The following SEMA5A variants were observed in gnomAD, a reference collection of about 807,000 sequenced individuals.
SEMA5A encodes semaphorin 5A, also known as semaphorin-5A.
SEMA5A carries 55 observed loss-of-function variants against 135.5 expected under a neutral mutation model. That is an observed-to-expected ratio of 0.41 (90% CI 0.33 to 0.51). The LOEUF is 0.51. SEMA5A is among the 20% of genes least tolerant of loss of function. The probability of loss-of-function intolerance (pLI) is 0.37; values close to 1 mark genes in which losing one functional copy is unlikely to be tolerated. For missense variants in SEMA5A, 1,290 were observed against 1,419.9 expected (o/e 0.91, Z 1.47); for synonymous variants, 580 against 546.5 (o/e 1.06, Z -0.85).
At chr5:9,499,315 A>G (rs571292165) in intron 1 of SEMA5A, among the ~76,000 whole-genome samples, 4 of 152,310 alleles carry the variant, frequency 2.6e-5, no homozygotes, top group African/African-American at 9.6e-5. Context: ...ACCTGACTCA[A>G]TTTCCCCACA....
rs1742893447 is a variant in SEMA5A at position 9,155,296 on chromosome 5, C to T, written c.1274-601G>A. 2.6e-5 allele frequency among the ~76,000 whole-genome samples: 4 copies of T among 152,072 alleles called. No homozygotes were observed. The South Asian group carries it at 6.2e-4, about 24-fold the overall frequency. Reference sequence around the variant, plus strand: ...ACTCCTCCAAACTTTCTTTCTTGTGCTTCTGAGTATTAATTTCTGGCCTGA... The same window carrying T: ...ACTCCTCCAAACTTTCTTTCTTGTGTTTCTGAGTATTAATTTCTGGCCTGA... On this transcript the variant is annotated intron_variant, in intron 11 of 22. Transcript: ENST00000382496.
In SEMA5A at chr5:9,054,114, C is replaced by G; in HGVS notation, c.2662G>C (p.Ala888Pro). Reference protein sequence around the residue: ...DICLGLHTEEALCNTQPCPES... With the variant: ...DICLGLHTEEPLCNTQPCPES... Reference sequence around the variant, plus strand: ...GGGCAGGGCTGCGTGTTGCAGAGTGCCTCTTCTGTGTGCAGCCCCAGGCAG... The same window carrying G: ...GGGCAGGGCTGCGTGTTGCAGAGTGGCTCTTCTGTGTGCAGCCCCAGGCAG... The change falls in exon 19 of 23, where the codon GCA becomes CCA. Residue 888 changes from alanine (A) to proline (P), a missense_variant. This residue lies in a region of SEMA5A where 1,029 missense variants were observed against 1,086.6 expected (regional missense o/e 0.95). Transcript: ENST00000382496. The G allele has an allele frequency of 6.2e-7, 1 of 1,612,966 alleles. No homozygotes were observed. Among genetic ancestry groups the G allele is most frequent in the Non-Finnish European group, 8.5e-7 (1 of 1,179,582 alleles).
At chr5:9,464,430 C>T (rs1272495108) in intron 1 of SEMA5A, among the ~76,000 whole-genome samples, 1 of 152,190 alleles carries the variant, frequency 6.6e-6, no homozygotes, top group Non-Finnish European at 1.5e-5. Context: ...GTTAATAGTG[C>T]TTGCCTCTGG....
chr5:9,395,806 T>C (rs1345020785), intron 2 of SEMA5A, among the ~76,000 whole-genome samples: 1 of 152,226 alleles, frequency 6.6e-6, no homozygotes, highest in Non-Finnish European at 1.5e-5. Context: ...ACATCATATG[T>C]AGGAGGAAAA....
chr5:9,447,212 A>C (rs184820819), intron 1 of SEMA5A, among the ~76,000 whole-genome samples: 38 of 152,342 alleles, frequency 2.5e-4, no homozygotes, highest in Non-Finnish European at 5.1e-4. Context: ...GATTAGTATA[A>C]ACCCGTGCAA....
At position 9,337,742 on chromosome 5, in the gene SEMA5A, T is replaced by G. The variant is rs538311891; in HGVS notation, c.195A>C (p.Pro65=). 1.2e-6 allele frequency: 2 copies of G among 1,611,842 alleles called. No homozygotes were observed. Among genetic ancestry groups the G allele is most frequent in the Admixed American group, 1.7e-5 (1 of 59,962 alleles). Residue 65 remains proline (P), a synonymous_variant, in exon 4 of 23, where the codon CCA becomes CCC. Transcript: ENST00000382496. ...AVDFSQLTFD[P]GQKELVVGAR... ...CTCCTACAACAAGTTCTTTCTGTCCTGGGTCAAATGTTAACTGCGAGAAAT... is the reference window on the plus strand; with the variant it reads ...CTCCTACAACAAGTTCTTTCTGTCCGGGGTCAAATGTTAACTGCGAGAAAT...
chr5:9,061,396 G>T (rs1233766023), intron 18 of SEMA5A, among the ~76,000 whole-genome samples: 1 of 152,114 alleles, frequency 6.6e-6, no homozygotes, highest in Non-Finnish European at 1.5e-5. Flanking sequence ...GGGAGCTAAG[G>T]TTGCTGCCAT....
intron 21 of SEMA5A, among the ~76,000 whole-genome samples, chr5:9,047,298 G>GAATC (rs1736319730): frequency 6.6e-6 from 1 of 152,204 alleles, no homozygotes; most frequent in Non-Finnish European, 1.5e-5. Context: ...TTAGTCAAAT[G>GAATC]AATCATTCCA....
rs1174484014 is a variant in SEMA5A, at chr5:9,197,282, A to G, written c.954T>C (p.Ala318=). 6.2e-7 allele frequency: 1 copy of G among 1,613,672 alleles called. No individual in the cohort carries two copies. The highest frequency in any genetic ancestry group is 1.1e-5 in the South Asian group (1 of 91,048). The change falls in exon 10 of 23, where the codon GCT becomes GCC. Residue 318 remains alanine (A), a synonymous_variant. Transcript: ENST00000382496. ...TGGCGCTCAGGTTGAAGACGCACACAGCTGAGGCCGCAATGCTGTTCCTGG... is the reference window on the plus strand; with the variant it reads ...TGGCGCTCAGGTTGAAGACGCACACGGCTGAGGCCGCAATGCTGTTCCTGG... ...TTNVNSIAAS[A]VCVFNLSAIA...
At chr5:9,164,276 A>G (rs890772696) in intron 11 of SEMA5A, among the ~76,000 whole-genome samples, 6 of 145,434 alleles carry the variant, frequency 4.1e-5, no homozygotes, top group Non-Finnish European at 9.0e-5. Flanking sequence ...TGATATAAAT[A>G]TTTATATAAT....
At chr5:9,162,076 A>G (rs537115028) in intron 11 of SEMA5A, among the ~76,000 whole-genome samples, 3 of 152,356 alleles carry the variant, frequency 2.0e-5, no homozygotes, top group East Asian at 3.9e-4. Flanking sequence ...GAAAGCAATC[A>G]CGACCATTAG....
At chr5:9,250,967 T>C (rs40716) in intron 5 of SEMA5A, among the ~76,000 whole-genome samples, 149,755 of 152,260 alleles carry the variant, frequency 0.98, 73,648 homozygotes, top group East Asian at 1. Context: ...CCAAAATTTA[T>C]GTTGAAATTT....
At chr5:9,241,980 CA>C (rs1175250571) in intron 5 of SEMA5A, among the ~76,000 whole-genome samples, 1 of 152,176 alleles carries the variant, frequency 6.6e-6, no homozygotes, top group Admixed American at 6.5e-5. Flanking sequence ...CAAAAGATAA[CA>C]TTAAACAAAA....
At chr5:9,388,735 T>G (rs1200068958) in intron 2 of SEMA5A, among the ~76,000 whole-genome samples, 2 of 151,854 alleles carry the variant, frequency 1.3e-5, no homozygotes, top group Non-Finnish European at 2.9e-5. Flanking sequence ...CCATCTCTAC[T>G]AAAAATACAA....
chr5:9,134,022 C>G (rs1741589134), intron 13 of SEMA5A, among the ~76,000 whole-genome samples: 1 of 152,144 alleles, frequency 6.6e-6, no homozygotes, highest in South Asian at 2.1e-4. Context: ...CTCCTGAACT[C>G]TCTCTCCTGC....
At chr5:9,044,009 G>C (rs1736102285) in intron 22 of SEMA5A, among the ~76,000 whole-genome samples, 1 of 152,180 alleles carries the variant, frequency 6.6e-6, no homozygotes. Flanking sequence ...GGCCAGGAGG[G>C]GCGTGTTATT....
At chr5:9,195,424 G>A (rs1241607773) in intron 10 of SEMA5A, among the ~76,000 whole-genome samples, 1 of 152,114 alleles carries the variant, frequency 6.6e-6, no homozygotes, top group African/African-American at 2.4e-5. Context: ...CTCCTGCCTT[G>A]GCCTCACAAA....
chr5:9,196,638 T>C (rs1230294776), intron 10 of SEMA5A, among the ~76,000 whole-genome samples: 1 of 152,174 alleles, frequency 6.6e-6, no homozygotes, highest in Non-Finnish European at 1.5e-5. Context: ...CACAAAGCCC[T>C]GGAAGCTTGA....
At chr5:9,457,754 T>C (rs1758894828) in intron 1 of SEMA5A, among the ~76,000 whole-genome samples, 1 of 152,066 alleles carries the variant, frequency 6.6e-6, no homozygotes, top group South Asian at 2.1e-4. Flanking sequence ...GTTTTTTTCC[T>C]CCAAACAACT....
Sources: allele counts gnomAD v4.1 joint callset (sites outside exome capture counted in the v4.1 genomes callset), GRCh38; gene constraint gnomAD v4.1.1; regional missense constraint gnomAD v4.1.1; transcripts MANE v1.5; gene names NCBI Gene and HGNC (gene_info 2026-07-23, HGNC 2026-07-21).